Variants in NRXN3 observed in about 807,000 individuals in gnomAD.
The protein encoded by NRXN3 is neurexin III.
Under a neutral mutation model 137.6 loss-of-function variants are expected in NRXN3, and 32 were observed. That is an observed-to-expected ratio of 0.23 (90% CI 0.18 to 0.31). The LOEUF (loss-of-function observed/expected upper bound fraction) is 0.31, where lower values mean the gene tolerates loss of function less well. NRXN3 is among the 10% of genes least tolerant of loss of function. The pLI, the probability that NRXN3 is intolerant of heterozygous loss-of-function variation, is 1.00. For missense variants in NRXN3, 1,574 were observed against 2,062.5 expected, an observed-to-expected ratio of 0.76 and a Z score of 4.59; for synonymous variants, 798 against 784.5, an observed-to-expected ratio of 1.02 and a Z score of -0.29.
chr14:78,610,631 A>G (rs2097292776), intron 4 of NRXN3, among the ~76,000 whole-genome samples: 1 of 152,256 alleles, frequency 6.6e-6, no homozygotes, highest in African/African-American at 2.4e-5. Context: ...TAGAGAAAAC[A>G]TACAGGTTGG....
chr14:79,033,715 T>C (rs2099611466), intron 15 of NRXN3, among the ~76,000 whole-genome samples: 1 of 152,118 alleles, frequency 6.6e-6, no homozygotes, highest in Admixed American at 6.6e-5. Context: ...AGAGCTATAA[T>C]AAGAAACACA....
intron 20 of NRXN3, among the ~76,000 whole-genome samples, chr14:79,825,207 T>C (rs986014793): frequency 1.4e-4 from 1 of 7,112 alleles, no homozygotes. Context: ...CTTTGTGTGC[T>C]TTTTTTTTTT....
At chr14:79,587,991 T>C (rs1052871743) in intron 16 of NRXN3, among the ~76,000 whole-genome samples, 4 of 152,212 alleles carry the variant, frequency 2.6e-5, no homozygotes, top group Admixed American at 6.5e-5. Context: ...TTAGAAGATA[T>C]ATGTAGCTAG....
At chr14:78,502,992 A>G (rs2095908921) in intron 4 of NRXN3, among the ~76,000 whole-genome samples, 1 of 152,180 alleles carries the variant, frequency 6.6e-6, no homozygotes, top group Admixed American at 6.5e-5. Flanking sequence ...ATATCTAAGG[A>G]TAAATTTTGT....
chr14:79,369,302 T>G (rs2094007107), intron 15 of NRXN3, among the ~76,000 whole-genome samples: 1 of 152,224 alleles, frequency 6.6e-6, no homozygotes, highest in Non-Finnish European at 1.5e-5. Context: ...CCGTCCATTC[T>G]ATTTTGGCTT....
intron 10 of NRXN3, among the ~76,000 whole-genome samples, chr14:78,947,453 A>T (rs974241538): frequency 5.3e-5 from 8 of 152,210 alleles, no homozygotes; most frequent in African/African-American, 1.9e-4. Context: ...CCCCATCCAG[A>T]TGGGATATTC....
chr14:78,177,264 T>C (rs1417158024), intron 1 of NRXN3, among the ~76,000 whole-genome samples: 1 of 152,180 alleles, frequency 6.6e-6, no homozygotes, highest in Admixed American at 6.5e-5. Context: ...TTGGGGGGCA[T>C]GATGTCATAC....
intron 15 of NRXN3, among the ~76,000 whole-genome samples, chr14:79,126,559 T>G (rs904834174): frequency 6.6e-6 from 1 of 152,234 alleles, no homozygotes; most frequent in East Asian, 1.9e-4. Context: ...CACATTTTCT[T>G]AATCCAGTCT....
At chr14:79,092,500 C>T (rs1242722641) in intron 15 of NRXN3, among the ~76,000 whole-genome samples, 1 of 152,176 alleles carries the variant, frequency 6.6e-6, no homozygotes, top group Non-Finnish European at 1.5e-5. Flanking sequence ...CACACACACA[C>T]ACCCTTGCCC....
intron 16 of NRXN3, among the ~76,000 whole-genome samples, chr14:79,650,489 C>T (rs574367682): frequency 2.6e-5 from 4 of 152,218 alleles, no homozygotes; most frequent in East Asian, 3.9e-4. Context: ...CTTTGTCTTA[C>T]GGATGAGGAA....
At chr14:78,269,798 G>T (rs1212136255) in intron 2 of NRXN3, among the ~76,000 whole-genome samples, 2 of 152,106 alleles carry the variant, frequency 1.3e-5, no homozygotes, top group Non-Finnish European at 2.9e-5. Flanking sequence ...TGAAACCCTA[G>T]AAGACCCACC....
intron 4 of NRXN3, among the ~76,000 whole-genome samples, chr14:78,481,516 T>C (rs1317142419): frequency 6.6e-6 from 1 of 152,198 alleles, no homozygotes; most frequent in Non-Finnish European, 1.5e-5. Flanking sequence ...GCTTTTTCAA[T>C]GGACTTATCT....
chr14:79,136,220 G>A (rs1022421079), intron 15 of NRXN3, among the ~76,000 whole-genome samples: 11 of 152,138 alleles, frequency 7.2e-5, no homozygotes, highest in African/African-American at 2.2e-4. Flanking sequence ...CCCTAAAGGC[G>A]TAATTTATTC....
At chr14:78,519,801 G>A (rs1466868473) in intron 4 of NRXN3, among the ~76,000 whole-genome samples, 1 of 152,070 alleles carries the variant, frequency 6.6e-6, no homozygotes, top group African/African-American at 2.4e-5. Flanking sequence ...AAATATCAAA[G>A]GACCCACATG....
chr14:79,251,056 A>G (rs2075851962), intron 15 of NRXN3, among the ~76,000 whole-genome samples: 1 of 152,196 alleles, frequency 6.6e-6, no homozygotes, highest in Non-Finnish European at 1.5e-5. Context: ...TGAAGGCTAC[A>G]GCTGACATGA....
intron 6 of NRXN3, among the ~76,000 whole-genome samples, chr14:78,669,103 G>A (rs2097912757): frequency 6.6e-6 from 1 of 151,954 alleles, no homozygotes; most frequent in African/African-American, 2.4e-5. Context: ...GAAAGAGAAA[G>A]AACATGAACA....
chr14:78,279,753 A>G (rs908549967), intron 3 of NRXN3: 13 of 152,178 alleles, frequency 8.5e-5, no homozygotes, highest in African/African-American at 3.1e-4. Context: ...GTATTTCCTA[A>G]TGAGACTATT....
intron 4 of NRXN3, among the ~76,000 whole-genome samples, chr14:78,312,438 A>T (rs1304074515): frequency 1.3e-5 from 2 of 152,190 alleles, no homozygotes; most frequent in Admixed American, 1.3e-4. Flanking sequence ...AACAGCGTGG[A>T]TGCATGTTGA....
intron 4 of NRXN3, among the ~76,000 whole-genome samples, chr14:78,555,802 G>C (rs964986142): frequency 1.3e-5 from 2 of 152,192 alleles, no homozygotes; most frequent in Non-Finnish European, 1.5e-5. Flanking sequence ...TATTTCCAAC[G>C]TTGTGCCAAG....
Sources: allele counts gnomAD v4.1 joint callset (sites outside exome capture counted in the v4.1 genomes callset), GRCh38; gene constraint gnomAD v4.1.1; transcripts MANE v1.5; gene names NCBI Gene and HGNC (gene_info 2026-07-23, HGNC 2026-07-21).